BCHE: variants seen among roughly 807,000 people sequenced by gnomAD.
BCHE encodes the protein butyrylcholinesterase.
In BCHE, 48 loss-of-function variants were observed where a neutral mutation model predicts 51.3. The ratio of observed to expected loss-of-function variants is 0.94; its 90% confidence interval spans 0.74 to 1.19. The LOEUF is 1.19. Ranked by LOEUF, BCHE falls within the 50% of genes most tolerant of loss-of-function variation. BCHE has a pLI of 0.00. For synonymous variants in BCHE, 251 were observed against 238.0 expected (o/e 1.05, Z -0.50); for missense variants, 847 against 708.2 (o/e 1.20, Z -2.23).
chr3:165,797,897 T>C (rs1713481612), intron 2 of BCHE, among the ~76,000 whole-genome samples: 1 of 152,186 alleles, frequency 6.6e-6, no homozygotes, highest in Non-Finnish European at 1.5e-5. Flanking sequence ...TGGGAAATAA[T>C]ACTCCAAGAA....
intron 2 of BCHE, among the ~76,000 whole-genome samples, chr3:165,810,209 T>C (rs917046599): frequency 6.6e-6 from 1 of 152,216 alleles, no homozygotes; most frequent in Non-Finnish European, 1.5e-5. Flanking sequence ...CAAGTGTTAG[T>C]TATCTTCAGT....
chr3:165,835,297 TAAA>T (rs1015460534), intron 1 of BCHE, among the ~76,000 whole-genome samples: 1 of 151,856 alleles, frequency 6.6e-6, no homozygotes, highest in South Asian at 2.1e-4. Context: ...GTGAGTGTGA[TAAA>T]ATAATTTGTA....
intron 2 of BCHE, among the ~76,000 whole-genome samples, chr3:165,791,544 A>G (rs142721789): frequency 8.5e-5 from 13 of 152,320 alleles, no homozygotes; most frequent in African/African-American, 3.1e-4. Flanking sequence ...ATAAAGAGGA[A>G]AGGAGCAGGC....
In BCHE at chr3:165,773,500, A is replaced by G. The variant is rs114166903; in HGVS notation, c.1691T>C (p.Ile564Thr). The G allele has an allele frequency of 6.4e-5, 103 of 1,605,264 alleles. No homozygotes were observed. The highest frequency in any genetic ancestry group is 8.4e-5 in the Non-Finnish European group (98 of 1,172,608). The change falls in exon 4 of 4, where the codon ATT (isoleucine) becomes ACT (threonine). Residue 564 changes from isoleucine (I) to threonine (T), a missense_variant. By Grantham distance (89) the Ile-to-Thr change is moderately conservative. Transcript: ENST00000264381. ...FPKVLEMTGN[I>T]DEAEWEWKAG... ...TTTCCACTCCCATTCTGCTTCATCA[A>G]TATTTCCTGTAAAATATGGAATAAG...
chr3:165,792,779 A>G (rs990867982), intron 2 of BCHE, among the ~76,000 whole-genome samples: 1 of 152,192 alleles, frequency 6.6e-6, no homozygotes, highest in African/African-American at 2.4e-5. Context: ...TAAACATGAT[A>G]TGGGTTCAAT....
At chr3:165,790,154 A>G (rs1436290239) in intron 2 of BCHE, among the ~76,000 whole-genome samples, 4 of 152,114 alleles carry the variant, frequency 2.6e-5, no homozygotes, top group Non-Finnish European at 5.9e-5. Context: ...ATGTGATTAG[A>G]GAGTTGAGAC....
At chr3:165,829,359 C>A (rs1329154631) in intron 2 of BCHE, among the ~76,000 whole-genome samples, 158 bp downstream of exon 2, 1 of 151,854 alleles carries the variant, frequency 6.6e-6, no homozygotes, top group East Asian at 1.9e-4. Flanking sequence ...AGTTGAAATG[C>A]AGTTCATAAG....
At chr3:165,828,490 A>G (rs1403047300) in intron 2 of BCHE, among the ~76,000 whole-genome samples, 2 of 152,174 alleles carry the variant, frequency 1.3e-5, no homozygotes, top group Non-Finnish European at 2.9e-5. Context: ...AACATGAAAT[A>G]CAAAGAATTC....
chr3:165,811,423 G>C (rs1198077644), intron 2 of BCHE, among the ~76,000 whole-genome samples: 2 of 37,220 alleles, frequency 5.4e-5, no homozygotes, highest in Non-Finnish European at 6.0e-5. Flanking sequence ...GTGCCTAAGA[G>C]AGCAGTGTAA....
chr3:165,821,919 TGAAA>T (rs371870463), intron 2 of BCHE, among the ~76,000 whole-genome samples: 9,678 of 151,962 alleles, frequency 0.064, 389 homozygotes, highest in African/African-American at 0.098. Flanking sequence ...ACTTCAGTGG[TGAAA>T]AATGTATTAA....
intron 1 of BCHE, among the ~76,000 whole-genome samples, chr3:165,835,350 T>C (rs1314981720): frequency 3.3e-5 from 5 of 151,790 alleles, no homozygotes; most frequent in Non-Finnish European, 7.4e-5. Flanking sequence ...ATCAACCAGA[T>C]TTTCAAAATA....
At chr3:165,806,943 C>G (rs1713890827) in intron 2 of BCHE, among the ~76,000 whole-genome samples, 1 of 151,918 alleles carries the variant, frequency 6.6e-6, no homozygotes, top group African/African-American at 2.4e-5. Context: ...GACACCGTGT[C>G]TTTAGGAGGT....
chr3:165,778,434 T>G (rs56802524), intron 3 of BCHE: 18,849 of 191,592 alleles, frequency 0.098, 1,025 homozygotes, highest in Admixed American at 0.15. Flanking sequence ...GATTATACAT[T>G]TATGAATCAA....
At chr3:165,791,424 G>A (rs1466549529) in intron 2 of BCHE, among the ~76,000 whole-genome samples, 2 of 152,164 alleles carry the variant, frequency 1.3e-5, no homozygotes, top group African/African-American at 4.8e-5. Flanking sequence ...TAATTTAGGT[G>A]AGAAGTGTTG....
chr3:165,786,366 AAG>A (rs1712951940), intron 2 of BCHE, 55 bp from the exon 3 acceptor site: 1 of 1,477,976 alleles, frequency 6.8e-7, no homozygotes, highest in Non-Finnish European at 9.3e-7. Flanking sequence ...TTAGATTAAA[AAG>A]AATATTGTTT....
chr3:165,796,964 C>G (rs2108210415), intron 2 of BCHE, among the ~76,000 whole-genome samples: 1 of 152,156 alleles, frequency 6.6e-6, no homozygotes, highest in Admixed American at 6.5e-5. Context: ...CTTTCCTCTG[C>G]ATTGTTTGGA....
chr3:165,794,822 C>T (rs1713307988), intron 2 of BCHE, among the ~76,000 whole-genome samples: 1 of 151,890 alleles, frequency 6.6e-6, no homozygotes, highest in African/African-American at 2.4e-5. Flanking sequence ...ATTAGAAATA[C>T]CCAAAATAAC....
rs149340518 is a variant in BCHE, at chr3:165,780,810, G to A, written c.1684+5335C>T. Among the ~76,000 whole-genome samples, 69 of 152,268 alleles carry A rather than the reference G, an allele frequency of 4.5e-4. No homozygotes were observed. In the East Asian group the frequency reaches 0.012, roughly 26 times the overall value. ...AAATAGGAATCCTTTTACGCTATTG[G>A]TGGGAATATAAATTAGTTCAACCAT... On this transcript the variant is annotated intron_variant, in intron 3 of 3. Coordinates refer to ENST00000264381, the MANE Select transcript of BCHE (RefSeq NM_000055.4).
chr3:165,834,202 T>A (rs1031949434), intron 1 of BCHE, among the ~76,000 whole-genome samples: 4 of 80,444 alleles, frequency 5.0e-5, no homozygotes, highest in Non-Finnish European at 1.2e-4. Context: ...GGTTGTAATA[T>A]CTTCCCATGT....
Sources: allele counts gnomAD v4.1 joint callset (sites outside exome capture counted in the v4.1 genomes callset), GRCh38; gene constraint gnomAD v4.1.1; transcripts MANE v1.5; gene names NCBI Gene and HGNC (gene_info 2026-07-23, HGNC 2026-07-21).